ZFYVE9: variants seen among roughly 807,000 people sequenced by gnomAD.
ZFYVE9 encodes the protein zinc finger FYVE domain-containing protein 9.
In ZFYVE9, 43 loss-of-function variants were observed where a neutral mutation model predicts 126.7. The observed-to-expected ratio is 0.34, with a 90% CI of 0.27 to 0.44. The LOEUF (loss-of-function observed/expected upper bound fraction) is 0.44, where lower values mean the gene tolerates loss of function less well. Ranked by LOEUF, ZFYVE9 falls within the 20% of genes least tolerant of loss-of-function variation. The pLI is 1.00. For missense variants in ZFYVE9, 1,476 were observed against 1,697.0 expected (o/e 0.87, Z 2.29); for synonymous variants, 521 against 597.4 (o/e 0.87, Z 1.87).
intron 1 of ZFYVE9, among the ~76,000 whole-genome samples, chr1:52,214,204 A>T (rs1241400342): frequency 6.6e-6 from 1 of 152,148 alleles, no homozygotes; most frequent in African/African-American, 2.4e-5. Flanking sequence ...AGGCAGGCAG[A>T]TCTCTTGAGG....
intron 18 of ZFYVE9, among the ~76,000 whole-genome samples, chr1:52,345,232 T>A (rs1442911218): frequency 6.6e-6 from 1 of 152,172 alleles, no homozygotes; most frequent in Non-Finnish European, 1.5e-5. Context: ...ACCTGCCAGG[T>A]CCTGCCTTGA....
intron 1 of ZFYVE9, among the ~76,000 whole-genome samples, chr1:52,178,344 G>A (rs1353146921): frequency 2.9e-4 from 26 of 88,676 alleles, no homozygotes; most frequent in Admixed American, 1.1e-3. Context: ...TTTTTTTTTC[G>A]TTTTTGAGAC....
intron 1 of ZFYVE9, among the ~76,000 whole-genome samples, chr1:52,147,618 C>T (rs1644316960): frequency 6.6e-6 from 1 of 152,134 alleles, no homozygotes; most frequent in African/African-American, 2.4e-5. Context: ...ACATTTTATT[C>T]ATCAGTTAGG....
intron 10 of ZFYVE9, among the ~76,000 whole-genome samples, chr1:52,288,825 C>G (rs901770250): frequency 1.3e-5 from 2 of 149,828 alleles, no homozygotes; most frequent in African/African-American, 4.9e-5. Flanking sequence ...ACTTGGGAAG[C>G]TCAGGCGGGA....
chr1:52,309,992 C>G (rs564881077), intron 13 of ZFYVE9, among the ~76,000 whole-genome samples: 58 of 152,242 alleles, frequency 3.8e-4, no homozygotes, highest in African/African-American at 1.3e-3. Context: ...GAGACAGAGT[C>G]TTGCTCTCGC....
At chr1:52,262,154 A>G (rs1374920110) in intron 4 of ZFYVE9, among the ~76,000 whole-genome samples, 4 of 152,214 alleles carry the variant, frequency 2.6e-5, no homozygotes, top group Non-Finnish European at 1.5e-5. Flanking sequence ...GGGCCTGCTT[A>G]CTTATAGACA....
chr1:52,249,037 A>C (rs996766976), intron 4 of ZFYVE9, among the ~76,000 whole-genome samples: 1 of 152,154 alleles, frequency 6.6e-6, no homozygotes, highest in Non-Finnish European at 1.5e-5. Context: ...CTGTTCTCAT[A>C]ATAGTGAGTT....
chr1:52,331,158 C>T (rs546109707), intron 13 of ZFYVE9, among the ~76,000 whole-genome samples: 14 of 152,144 alleles, frequency 9.2e-5, no homozygotes, highest in South Asian at 6.2e-4. Context: ...TGTGAGCCAC[C>T]GGGCCTGGCC....
At chr1:52,157,259 G>C (rs1557428132) in intron 1 of ZFYVE9, among the ~76,000 whole-genome samples, 2 of 152,038 alleles carry the variant, frequency 1.3e-5, no homozygotes, top group African/African-American at 4.8e-5. Flanking sequence ...AACTGGGAAA[G>C]GGATAGTAGG....
At chr1:52,204,246 A>G (rs1176471434) in intron 1 of ZFYVE9, among the ~76,000 whole-genome samples, 1 of 152,134 alleles carries the variant, frequency 6.6e-6, no homozygotes, top group Non-Finnish European at 1.5e-5. Flanking sequence ...TCTTTTAGCA[A>G]GCCTCTGCCC....
At chr1:52,316,652 A>G (rs935114999) in intron 13 of ZFYVE9, among the ~76,000 whole-genome samples, 1 of 152,216 alleles carries the variant, frequency 6.6e-6, no homozygotes, top group Non-Finnish European at 1.5e-5. Context: ...TGATACAACA[A>G]TTTCAAAACA....
intron 13 of ZFYVE9, among the ~76,000 whole-genome samples, chr1:52,312,350 A>G (rs1359010035): frequency 1.3e-5 from 2 of 152,344 alleles, no homozygotes; most frequent in Non-Finnish European, 1.5e-5. Context: ...CATAGGCTCT[A>G]TTACACTTTG....
intron 7 of ZFYVE9, among the ~76,000 whole-genome samples, chr1:52,269,383 G>A (rs1645666243): frequency 6.6e-6 from 1 of 152,018 alleles, no homozygotes; most frequent in African/African-American, 2.4e-5. Context: ...CACCCCCTCA[G>A]CCTCCCAAAG....
chr1:52,199,879 G>C (rs1644907250), intron 1 of ZFYVE9, among the ~76,000 whole-genome samples: 1 of 152,164 alleles, frequency 6.6e-6, no homozygotes, highest in Non-Finnish European at 1.5e-5. Context: ...CATTCTAATA[G>C]GTGTGTGGTG....
chr1:52,298,146 T>C (rs1284658680), intron 12 of ZFYVE9, among the ~76,000 whole-genome samples: 3 of 152,228 alleles, frequency 2.0e-5, no homozygotes, highest in South Asian at 2.1e-4. Context: ...AAAATCTTTT[T>C]AGTTTGATGT....
At chr1:52,301,253 A>C (rs552258785) in intron 12 of ZFYVE9, among the ~76,000 whole-genome samples, 3 of 145,084 alleles carry the variant, frequency 2.1e-5, no homozygotes, top group Non-Finnish European at 4.5e-5. Context: ...TCTACATAAC[A>C]ATTTTTTCTT....
intron 10 of ZFYVE9, among the ~76,000 whole-genome samples, chr1:52,282,192 A>G (rs1460487001): frequency 1.3e-5 from 2 of 152,232 alleles, no homozygotes; most frequent in African/African-American, 4.8e-5. Context: ...GAATATTCAA[A>G]TTTCAAAAAC....
intron 13 of ZFYVE9, among the ~76,000 whole-genome samples, chr1:52,309,747 A>G (rs1183834425): frequency 6.6e-6 from 1 of 152,128 alleles, no homozygotes; most frequent in Non-Finnish European, 1.5e-5. Flanking sequence ...AAGCAGAAAA[A>G]GTGACTTAAT....
intron 13 of ZFYVE9, among the ~76,000 whole-genome samples, chr1:52,309,091 C>CACAT (rs1274439757): frequency 3.3e-5 from 5 of 152,182 alleles, no homozygotes; most frequent in African/African-American, 9.7e-5. Flanking sequence ...AACAGAGCAA[C>CACAT]ACATTGCATG....
Sources: gnomAD v4.1 joint callset for allele counts (sites outside exome capture counted in the v4.1 genomes callset) on GRCh38, gnomAD v4.1.1 for gene constraint, MANE v1.5 for transcripts, NCBI Gene and HGNC (gene_info 2026-07-23, HGNC 2026-07-21) for gene names.